Variants in MEI4 observed in about 807,000 individuals in gnomAD.
MEI4 encodes meiosis-specific protein MEI4.
In MEI4, 27 loss-of-function variants were observed where a neutral mutation model predicts 31.4. The ratio of observed to expected loss-of-function variants is 0.86; its 90% CI spans 0.63 to 1.19. The LOEUF (loss-of-function observed/expected upper bound fraction) is 1.19. Ranked by LOEUF, MEI4 falls within the 50% of genes most tolerant of loss-of-function variation. The pLI, the probability that MEI4 is intolerant of heterozygous loss-of-function variation, is 0.00. For missense variants in MEI4, 329 were observed against 398.9 expected, an observed-to-expected ratio of 0.82 and a Z score of 1.49; for synonymous variants, 122 against 145.4, an observed-to-expected ratio of 0.84 and a Z score of 1.16.
intron 4 of MEI4, among the ~76,000 whole-genome samples, chr6:77,874,121 G>GT (rs1199854808): frequency 8.5e-5 from 13 of 152,266 alleles, no homozygotes; most frequent in East Asian, 1.9e-4. Context: ...CTTTAAAGTA[G>GT]TTTTTTCCAA....
intron 3 of MEI4, among the ~76,000 whole-genome samples, chr6:77,793,897 C>T (rs903600489): frequency 6.6e-6 from 1 of 151,998 alleles, no homozygotes; most frequent in Non-Finnish European, 1.5e-5. Flanking sequence ...ACAAAACAGT[C>T]AGAAAATAAT....
chr6:77,921,814 A>G (rs947271230), intron 4 of MEI4, among the ~76,000 whole-genome samples: 1 of 151,770 alleles, frequency 6.6e-6, no homozygotes, highest in African/African-American at 2.4e-5. Flanking sequence ...CAGAACACAC[A>G]CACTTATCAG....
chr6:77,672,118 G>A (rs1046296488), intron 1 of MEI4, among the ~76,000 whole-genome samples: 13 of 152,156 alleles, frequency 8.5e-5, no homozygotes, highest in Non-Finnish European at 1.5e-4. Flanking sequence ...TCTACTGGCG[G>A]GCGAAGAGGA....
At chr6:77,866,195 C>T (rs1044018060) in intron 4 of MEI4, among the ~76,000 whole-genome samples, 4 of 151,920 alleles carry the variant, frequency 2.6e-5, no homozygotes, top group Admixed American at 6.6e-5. Flanking sequence ...TCTCTCACCA[C>T]TCCTATTCAA....
intron 4 of MEI4, among the ~76,000 whole-genome samples, chr6:77,830,551 A>T (rs546763432): frequency 6.6e-6 from 1 of 152,026 alleles, no homozygotes; most frequent in African/African-American, 2.4e-5. Flanking sequence ...TAAAATAATA[A>T]TAAGAAAAAT....
At chr6:77,912,287 C>T (rs749391562) in intron 4 of MEI4, among the ~76,000 whole-genome samples, 1 of 151,924 alleles carries the variant, frequency 6.6e-6, no homozygotes, top group African/African-American at 2.4e-5. Flanking sequence ...TCTTTTTCCT[C>T]GGGATTGCTT....
At chr6:77,757,022 G>A (rs1767934544) in intron 2 of MEI4, among the ~76,000 whole-genome samples, 1 of 152,192 alleles carries the variant, frequency 6.6e-6, no homozygotes, top group Non-Finnish European at 1.5e-5. Context: ...AGAGCACACA[G>A]CCTCTTTGCT....
Position 77,697,211 on chromosome 6 carries a change from A to C in MEI4, c.232+6308A>C, listed in dbSNP as rs1313129395. Among the ~76,000 whole-genome samples, 4 of 152,150 alleles carry C rather than the reference A, an allele frequency of 2.6e-5. No homozygotes were observed. In the East Asian group the frequency reaches 7.7e-4, roughly 29 times the overall value. On this transcript the variant is annotated intron_variant, in intron 2 of 4. Transcript: ENST00000684080. ...TATCAATTTTGTTGATCTTTTCAAA[A>C]AACCAGCTCCTGGATTCACTAATTT...
At chr6:77,727,891 A>G (rs567386660) in intron 2 of MEI4, among the ~76,000 whole-genome samples, 1 of 152,236 alleles carries the variant, frequency 6.6e-6, no homozygotes, top group South Asian at 2.1e-4. Flanking sequence ...CCTGATTGAA[A>G]TCTCTGTCTC....
chr6:77,921,742 CAG>C (rs1766707942), intron 4 of MEI4, among the ~76,000 whole-genome samples: 1 of 151,678 alleles, frequency 6.6e-6, no homozygotes, highest in Non-Finnish European at 1.5e-5. Context: ...TGTTTTGTCT[CAG>C]AGAATAAGGA....
chr6:77,655,459 T>C (rs1232317919), intron 1 of MEI4, among the ~76,000 whole-genome samples: 1 of 152,162 alleles, frequency 6.6e-6, no homozygotes, highest in African/African-American at 2.4e-5. Flanking sequence ...TATTTGCAAA[T>C]TTATGGGAGA....
At chr6:77,717,736 ACT>A (rs1308785172) in intron 2 of MEI4, among the ~76,000 whole-genome samples, 2 of 119,662 alleles carry the variant, frequency 1.7e-5, no homozygotes, top group African/African-American at 3.2e-5. Context: ...AATCCATTTA[ACT>A]CTGAGTTGAC....
chr6:77,787,963 T>C lies in MEI4; in HGVS notation c.768+26298T>C, dbSNP rs913436886. ...CATCAGGGATATTGGTGTAAAATTG[T>C]CATTTTGTTGTGTCTCTGCCAGGCT... On this transcript the variant is annotated intron_variant, in intron 3 of 4. Coordinates refer to ENST00000684080, the MANE Select transcript of MEI4 (RefSeq NM_001322247.2). Among the ~76,000 whole-genome samples the C allele has an allele frequency of 3.3e-5, 5 of 152,298 alleles. No individual in the cohort carries two copies. In the South Asian group the frequency reaches 8.3e-4, roughly 25 times the overall value.
chr6:77,842,374 GATA>G (rs1441729900), intron 4 of MEI4, among the ~76,000 whole-genome samples: 2 of 152,106 alleles, frequency 1.3e-5, no homozygotes, highest in Non-Finnish European at 2.9e-5. Context: ...AGTATGACAT[GATA>G]ATTTATGAGA....
intron 2 of MEI4, among the ~76,000 whole-genome samples, chr6:77,742,509 T>C (rs983634352): frequency 6.6e-6 from 1 of 152,228 alleles, no homozygotes; most frequent in Non-Finnish European, 1.5e-5. Flanking sequence ...CATTGTAGAT[T>C]CTGGATATTA....
chr6:77,741,291 G>A (rs111766668), intron 2 of MEI4, among the ~76,000 whole-genome samples: 166 of 152,286 alleles, frequency 1.1e-3, no homozygotes, highest in African/African-American at 2.6e-3. Context: ...GAGGAACATG[G>A]AGAACTCTGT....
chr6:77,732,810 C>A (rs540025223), intron 2 of MEI4, among the ~76,000 whole-genome samples: 7 of 152,108 alleles, frequency 4.6e-5, no homozygotes, highest in African/African-American at 1.7e-4. Context: ...CCATCAATAC[C>A]TAATTTATTC....
chr6:77,710,587 T>A (rs1463062748), intron 2 of MEI4, among the ~76,000 whole-genome samples: 1 of 151,690 alleles, frequency 6.6e-6, no homozygotes, highest in African/African-American at 2.4e-5. Context: ...ATAACATTAG[T>A]TTTATTTTAA....
In MEI4 at chr6:77,808,601, A is replaced by G. The variant is rs539987241; in HGVS notation, c.769-20330A>G. 2.6e-5 allele frequency among the ~76,000 whole-genome samples: 4 copies of G among 152,328 alleles called. No individual in the cohort carries two copies. The East Asian group carries it at 7.7e-4, about 29-fold the overall frequency. ...AAAAGGAAAAAGGAGGTCAGGCAAC[A>G]GATGAAAAGAGGAAAACCTTGAGAG... On this transcript the variant is annotated intron_variant, in intron 3 of 4. Coordinates refer to ENST00000684080, the MANE Select transcript of MEI4 (RefSeq NM_001322247.2).
Sources: gnomAD v4.1 joint callset for allele counts (sites outside exome capture counted in the v4.1 genomes callset) on GRCh38, gnomAD v4.1.1 for gene constraint, MANE v1.5 for transcripts, NCBI Gene and HGNC (gene_info 2026-07-23, HGNC 2026-07-21) for gene names.